Variants in KLHL13 observed in about 807,000 individuals in gnomAD.
KLHL13 encodes kelch-like protein 13.
A neutral mutation model predicts 37.1 loss-of-function variants in KLHL13; 10 were observed. The observed-to-expected ratio is 0.27, with a 90% CI of 0.17 to 0.46. The LOEUF (loss-of-function observed/expected upper bound fraction) is 0.46. Among genes scored for constraint, KLHL13 ranks in the 20% least tolerant of loss-of-function variants. The probability of loss-of-function intolerance (pLI) is 1.00; values close to 1 mark genes in which losing one functional copy is unlikely to be tolerated. For missense variants in KLHL13, 360 were observed against 509.3 expected (o/e 0.71, Z 2.82); for synonymous variants, 163 against 181.2 (o/e 0.90, Z 0.81).
chrX:118,095,205 G>C (rs1191274534), intron 1 of KLHL13, among the ~76,000 whole-genome samples: 1 of 110,538 alleles, frequency 9.0e-6, no homozygotes, highest in African/African-American at 3.3e-5. Flanking sequence ...GATCTACCAA[G>C]CAAATGGAAA....
intron 1 of KLHL13, among the ~76,000 whole-genome samples, chrX:118,060,586 A>C (rs1338660461): frequency 9.0e-6 from 1 of 111,071 alleles, no homozygotes; most frequent in Non-Finnish European, 1.9e-5. Context: ...CAACCCAGAG[A>C]AGAACGTATT....
chrX:118,090,899 C>T (rs2055125487), intron 1 of KLHL13, among the ~76,000 whole-genome samples: 1 of 107,784 alleles, frequency 9.3e-6, no homozygotes, highest in Non-Finnish European at 1.9e-5. Context: ...CAATGATAGA[C>T]TGGATTAAGA....
intron 4 of KLHL13, among the ~76,000 whole-genome samples, chrX:117,911,324 G>GCC (rs1930971840): frequency 8.9e-6 from 1 of 111,868 alleles, no homozygotes; most frequent in Admixed American, 9.5e-5. Context: ...TTACTCCTCC[G>GCC]CATAAAATGA....
chrX:117,954,175 A>T (rs1162069461), intron 1 of KLHL13, among the ~76,000 whole-genome samples: 1 of 112,274 alleles, frequency 8.9e-6, no homozygotes, highest in Non-Finnish European at 1.9e-5. Context: ...TCTTGTCCTT[A>T]AAGAACTTCA....
intron 1 of KLHL13, among the ~76,000 whole-genome samples, chrX:117,963,753 T>C (rs2053350566): frequency 1.0e-5 from 1 of 100,399 alleles, no homozygotes; most frequent in African/African-American, 3.7e-5. Context: ...TTTTAATGAT[T>C]GCCATTCTAA....
chrX:118,059,392 C>G (rs999507107), intron 1 of KLHL13, among the ~76,000 whole-genome samples: 3 of 111,738 alleles, frequency 2.7e-5, no homozygotes, highest in Non-Finnish European at 5.6e-5. Flanking sequence ...CTTTTCTTCT[C>G]ACGCTGTTTC....
intron 1 of KLHL13, among the ~76,000 whole-genome samples, chrX:118,014,736 G>A (rs1477229365): frequency 4.5e-5 from 5 of 112,179 alleles, no homozygotes; most frequent in African/African-American, 1.6e-4. Context: ...TCTGAGACCA[G>A]CTGACACTTA....
chrX:118,100,579 T>C (rs902885974), intron 1 of KLHL13, among the ~76,000 whole-genome samples: 2 of 111,232 alleles, frequency 1.8e-5, no homozygotes. Flanking sequence ...TCATGACCCA[T>C]TCAGCCTTCA....
intron 2 of KLHL13, among the ~76,000 whole-genome samples, chrX:117,929,510 T>C (rs1380309449): frequency 1.8e-5 from 2 of 111,158 alleles, no homozygotes; most frequent in Admixed American, 9.5e-5. Context: ...CAATGCAAGG[T>C]TGCTTTCACA....
chrX:118,005,987 G>A (rs1338885454), intron 1 of KLHL13, among the ~76,000 whole-genome samples: 1 of 112,040 alleles, frequency 8.9e-6, no homozygotes, highest in Non-Finnish European at 1.9e-5. Flanking sequence ...GGCTGTGCCT[G>A]GATGTAGATG....
At chrX:118,061,322 G>A (rs1398175188) in intron 1 of KLHL13, among the ~76,000 whole-genome samples, 1 of 111,249 alleles carries the variant, frequency 9.0e-6, no homozygotes, top group African/African-American at 3.3e-5. Flanking sequence ...TTGGTGGGCA[G>A]AGGTAAGTGT....
intron 1 of KLHL13, among the ~76,000 whole-genome samples, chrX:118,099,345 T>C (rs2148170997): frequency 8.9e-6 from 1 of 111,880 alleles, no homozygotes; most frequent in Admixed American, 9.5e-5. Flanking sequence ...AAAATTTCCT[T>C]CCAACTCCTA....
At chrX:117,993,250 T>G (rs935464090) in intron 1 of KLHL13, among the ~76,000 whole-genome samples, 4 of 111,405 alleles carry the variant, frequency 3.6e-5, no homozygotes, top group African/African-American at 1.3e-4. Context: ...ATTGCAATTG[T>G]GACAACATAA....
In KLHL13 at chrX:118,113,437, T is replaced by C. The variant is rs58442424; in HGVS notation, c.-56+3071A>G. ...TTTCTCAGGACCTCCAAGTCCTATT[T>C]ATCGGTTATTGAGCTGCTTCTAGGC... On this transcript the variant is annotated intron_variant, in intron 1 of 6. Coordinates refer to the KLHL13 transcript ENST00000371882. Among the ~76,000 whole-genome samples, 475 of 112,433 alleles carry C rather than the reference T, an allele frequency of 4.2e-3. 5 individuals carry two copies. The highest frequency in any genetic ancestry group is 0.015 in the African/African-American group (453 of 30,967).
chrX:118,020,435 CAG>C (rs201399977), intron 1 of KLHL13, among the ~76,000 whole-genome samples: 5,635 of 111,172 alleles, frequency 0.051, 387 homozygotes, highest in African/African-American at 0.17. Context: ...ATCAAAACCA[CAG>C]TAAGATACCA....
chrX:118,095,720 A>G (rs2055197319), intron 1 of KLHL13, among the ~76,000 whole-genome samples: 1 of 112,296 alleles, frequency 8.9e-6, no homozygotes, highest in African/African-American at 3.2e-5. Context: ...TCAAAGTAGA[A>G]CTCAGGATTA....
At chrX:118,087,057 T>C (rs1406620466) in intron 1 of KLHL13, among the ~76,000 whole-genome samples, 1 of 111,719 alleles carries the variant, frequency 9.0e-6, no homozygotes, top group Non-Finnish European at 1.9e-5. Context: ...TTTCTCTTAT[T>C]GAAAATGAGA....
At chrX:118,024,514 CAG>C (rs2054253847) in intron 1 of KLHL13, among the ~76,000 whole-genome samples, 1 of 111,640 alleles carries the variant, frequency 9.0e-6, no homozygotes, top group Non-Finnish European at 1.9e-5. Flanking sequence ...CCTATATATC[CAG>C]AGTGAACTAA....
chrX:117,977,523 T>G (rs2053609202), upstream of KLHL13, among the ~76,000 whole-genome samples: 1 of 111,847 alleles, frequency 8.9e-6, no homozygotes, highest in Non-Finnish European at 1.9e-5. Flanking sequence ...CCTAAGAAAT[T>G]ATCTACTTTT....
Sources: gnomAD v4.1 joint callset for allele counts (sites outside exome capture counted in the v4.1 genomes callset) on GRCh38, gnomAD v4.1.1 for gene constraint, MANE v1.5 for transcripts, NCBI Gene and HGNC (gene_info 2026-07-23, HGNC 2026-07-21) for gene names.